Variants in SYNGR1 observed in about 807,000 individuals in gnomAD.
The protein encoded by SYNGR1 is synaptogyrin-1.
Under a neutral mutation model 26.1 loss-of-function variants are expected in SYNGR1, and 14 were observed. The observed-to-expected ratio is 0.54, with a 90% CI of 0.35 to 0.84. SYNGR1 has a LOEUF of 0.84. Among genes scored for constraint, SYNGR1 ranks in the 40% least tolerant of loss-of-function variants. SYNGR1 has a pLI of 0.01. For missense variants in SYNGR1, 319 were observed against 332.9 expected, an observed-to-expected ratio of 0.96 and a Z score of 0.33; for synonymous variants, 141 against 150.1, an observed-to-expected ratio of 0.94 and a Z score of 0.44.
intron 1 of SYNGR1, among the ~76,000 whole-genome samples, chr22:39,351,245 C>T (rs1923893693): frequency 6.6e-6 from 1 of 152,222 alleles, no homozygotes; most frequent in African/African-American, 2.4e-5. Context: ...GGGGCTACCC[C>T]AAGGCCAGCT....
In SYNGR1 at chr22:39,380,016, T is replaced by A. The variant is rs1323062756; in HGVS notation, c.484-1680T>A. On this transcript the variant is annotated intron_variant, in intron 3 of 3. Coordinates refer to ENST00000328933, the MANE Select transcript of SYNGR1 (RefSeq NM_004711.5). ...ATAAACCTCTAAGCTGCTTTTCTAA[T>A]GACAAGTTTGATTTACTTAAACTTT... 3.9e-5 allele frequency: 6 copies of A among 152,386 alleles called. No individual in the cohort carries two copies. The South Asian group carries it at 1.0e-3, about 26-fold the overall frequency. The allele number at this position is 152,386 out of a possible 1,614,324, so 9.4% of individuals were successfully genotyped here.
chr22:39,361,755 G>A (rs1441442195), intron 1 of SYNGR1, among the ~76,000 whole-genome samples: 1 of 152,110 alleles, frequency 6.6e-6, no homozygotes, highest in East Asian at 1.9e-4. Context: ...GAGTCTCGGG[G>A]CATGTAAATG....
At position 39,350,406 on chromosome 22, in the gene SYNGR1, G is replaced by A. The variant is rs904809011; in HGVS notation, c.99+297G>A. Among the ~76,000 whole-genome samples, 7 of 152,186 alleles carry A rather than the reference G, an allele frequency of 4.6e-5. No homozygotes were observed. Among genetic ancestry groups the A allele is most frequent in the African/African-American group, 1.7e-4 (7 of 41,462 alleles). Reference sequence around the variant, plus strand: ...CCGCCCCGATTGCTGTGACCTCCAGGCCGCGGCTATGCCGCGAAAGGCTCG... The same window carrying A: ...CCGCCCCGATTGCTGTGACCTCCAGACCGCGGCTATGCCGCGAAAGGCTCG... On this transcript the variant is annotated intron_variant, in intron 1 of 3. Coordinates refer to ENST00000328933, the MANE Select transcript of SYNGR1 (RefSeq NM_004711.5). The surrounding 1 kb of genome is among the most constrained non-coding windows in gnomAD (Gnocchi z 4.3).
intron 3 of SYNGR1, 57 bp downstream of exon 3, chr22:39,376,254 T>A: frequency 6.2e-7 from 1 of 1,612,904 alleles, no homozygotes; most frequent in Admixed American, 1.7e-5. Flanking sequence ...ACTGAGCCCC[T>A]GGATGGGTGG....
Position 39,384,495 on chromosome 22 carries a change from G to A in SYNGR1, c.*2581G>A, listed in dbSNP as rs1925596787. The A allele has an allele frequency of 2.5e-6, 1 of 398,756 alleles. No individual in the cohort carries two copies. Among genetic ancestry groups the A allele is most frequent in the African/African-American group, 2.1e-5 (1 of 48,642 alleles). 24.7% of individuals were successfully genotyped at this position (398,756 alleles called of 1,614,324 possible). A position where few individuals can be genotyped will look rare whatever the true frequency, so the allele number is the denominator to read the frequency against. On this transcript the variant is annotated 3_prime_UTR_variant, in exon 4 of 4. Transcript: ENST00000328933. ...CTGGGCTCTGGCAGGGACCTGCCCA[G>A]GATGGAGATGAGAGAGGGTGAGAGA...
In SYNGR1 at chr22:39,360,617, T is replaced by C. The variant is rs1924426761; in HGVS notation, c.99+10508T>C. 2.0e-5 allele frequency among the ~76,000 whole-genome samples: 3 copies of C among 152,148 alleles called. No homozygotes were observed. The South Asian group carries it at 6.2e-4, about 31-fold the overall frequency. On this transcript the variant is annotated intron_variant, in intron 1 of 3. Transcript: ENST00000328933. ...AATGTGGACACCCTCACCCCGCTCGTCCTCTCTTTAATATACATGCTGAGC... is the reference window on the plus strand; with the variant it reads ...AATGTGGACACCCTCACCCCGCTCGCCCTCTCTTTAATATACATGCTGAGC...
chr22:39,362,130 G>T (rs1924504644), intron 1 of SYNGR1, among the ~76,000 whole-genome samples: 1 of 151,310 alleles, frequency 6.6e-6, no homozygotes, highest in Non-Finnish European at 1.5e-5. Context: ...TTACACCCAT[G>T]AGCCACCGTG....
At chr22:39,361,356 C>CTT (rs71326762) in intron 1 of SYNGR1, among the ~76,000 whole-genome samples, 5,874 of 122,272 alleles carry the variant, frequency 0.048, 596 homozygotes, top group African/African-American at 0.18. Flanking sequence ...TAACCCTGCC[C>CTT]TTTTTTTTTT....
chr22:39,350,130 G>T lies in SYNGR1; in HGVS notation c.99+21G>T, dbSNP rs746823351. On this transcript the variant is annotated intron_variant, in intron 1 of 3. Coordinates refer to ENST00000328933, the MANE Select transcript of SYNGR1 (RefSeq NM_004711.5). The surrounding 1 kb of genome is among the most constrained non-coding windows in gnomAD (Gnocchi z 4.3). ...CTTGGGTAAGGACGGACTGGCCGACGGCTCTGCCAGGCCGGGGTGGTGGGG... is the reference window on the plus strand; with the variant it reads ...CTTGGGTAAGGACGGACTGGCCGACTGCTCTGCCAGGCCGGGGTGGTGGGG... 1 of 1,396,074 alleles carries T rather than the reference G, an allele frequency of 7.2e-7. No homozygotes were observed. The highest frequency in any genetic ancestry group is 1.4e-5 in the South Asian group (1 of 71,606). The allele number at this position is 1,396,074 out of a possible 1,614,324, so 86.5% of individuals were successfully genotyped here.
chr22:39,384,262 G>T lies in SYNGR1; in HGVS notation c.*2348G>T. The T allele has an allele frequency of 2.8e-6, 1 of 354,434 alleles. No individual in the cohort carries two copies. Among genetic ancestry groups the T allele is most frequent in the Non-Finnish European group, 5.1e-6 (1 of 197,870 alleles). The allele number at this position is 354,434 out of a possible 1,614,324, so 22.0% of individuals were successfully genotyped here. ...GTTTCTCCTCGGGTGCCAGCCAGCTGCTGGTGATCCTCAGCCGGAGGGCAG... is the reference window on the plus strand; with the variant it reads ...GTTTCTCCTCGGGTGCCAGCCAGCTTCTGGTGATCCTCAGCCGGAGGGCAG... On this transcript the variant is annotated 3_prime_UTR_variant, in exon 4 of 4. Coordinates refer to ENST00000328933, the MANE Select transcript of SYNGR1 (RefSeq NM_004711.5).
rs1923826703 is a variant in SYNGR1, at chr22:39,350,101, G to A, written c.91G>A (p.Val31Met). Residue 31 changes from valine to methionine, a missense_variant, in exon 1 of 4, where the codon GTG becomes ATG. By Grantham distance (21) the Val-to-Met change is conservative. Transcript: ENST00000328933. The surrounding 1 kb of genome is among the most constrained non-coding windows in gnomAD (Gnocchi z 4.3). ...GCAGCCGCACACCATCCTGCGCGTC[G>A]TGTCTTGGGTAAGGACGGACTGGCC... is the stretch of plus-strand genomic sequence containing the variant. ...VRQPHTILRV[V>M]SWLFSIVVFG... 2.0e-6 allele frequency: 3 copies of A among 1,466,284 alleles called. No individual in the cohort carries two copies. The highest frequency in any genetic ancestry group is 2.5e-5 in the South Asian group (2 of 79,888). The allele number at this position is 1,466,284 out of a possible 1,614,324, so 90.8% of individuals were successfully genotyped here.
At chr22:39,366,337 G>A (rs1924758537) in intron 1 of SYNGR1, among the ~76,000 whole-genome samples, 1 of 151,920 alleles carries the variant, frequency 6.6e-6, no homozygotes, top group South Asian at 2.1e-4. Flanking sequence ...TGCAGATTCT[G>A]GTGGCTCTAC....
chr22:39,351,334 C>T (rs929506656), intron 1 of SYNGR1, among the ~76,000 whole-genome samples: 5 of 152,214 alleles, frequency 3.3e-5, no homozygotes, highest in African/African-American at 9.6e-5. Flanking sequence ...GTATGTATCC[C>T]TGGTCTGCGA....
intron 1 of SYNGR1, among the ~76,000 whole-genome samples, chr22:39,369,073 G>A (rs773392288): frequency 2.0e-5 from 3 of 152,180 alleles, no homozygotes; most frequent in African/African-American, 4.8e-5. Flanking sequence ...TTGAATTGGC[G>A]GGTCTGTATG....
Position 39,370,301 on chromosome 22 carries a change from T to C in SYNGR1, c.100-4015T>C, listed in dbSNP as rs1163271116. The stretch of plus-strand genomic sequence containing the variant: ...ACGTGCCACCACGCCCAGCTAATTT[T>C]CTTTATTTTTAGTGGAGATGGGGTT... On this transcript the variant is annotated intron_variant, in intron 1 of 3. Transcript: ENST00000328933. 5.3e-5 allele frequency among the ~76,000 whole-genome samples: 8 copies of C among 151,978 alleles called. No homozygotes were observed. The East Asian group carries it at 1.5e-3, about 29-fold the overall frequency.
intron 2 of SYNGR1, 35 bp downstream of exon 2, chr22:39,374,588 G>C: frequency 1.9e-6 from 3 of 1,604,036 alleles, no homozygotes; most frequent in Non-Finnish European, 2.6e-6. Flanking sequence ...CCTGCACAGA[G>C]TCTACAGAGG....
At chr22:39,354,638 G>A (rs1423257777) in intron 1 of SYNGR1, among the ~76,000 whole-genome samples, 10 of 152,132 alleles carry the variant, frequency 6.6e-5, no homozygotes, top group Non-Finnish European at 1.0e-4. Flanking sequence ...TCAGGAGTTC[G>A]AGACCATCCT....
intron 1 of SYNGR1, among the ~76,000 whole-genome samples, chr22:39,359,547 C>T (rs574123977): frequency 9.5e-5 from 14 of 147,268 alleles, no homozygotes; most frequent in African/African-American, 3.0e-4. Flanking sequence ...AGGAGAATGG[C>T]GTGAACCTGG....
chr22:39,378,161 G>A, intron 3 of SYNGR1: 1 of 1,113,134 alleles, frequency 9.0e-7, no homozygotes, highest in Non-Finnish European at 1.1e-6. Flanking sequence ...CTTAGGGTTA[G>A]CATCCTGGCC....
Sources: gnomAD v4.1 joint callset for allele counts (sites outside exome capture counted in the v4.1 genomes callset) on GRCh38, gnomAD v4.1.1 for gene constraint, Gnocchi (gnomAD v3.1) non-coding constraint, MANE v1.5 for transcripts, NCBI Gene and HGNC (gene_info 2026-07-23, HGNC 2026-07-21) for gene names.